Variants in ZFYVE9 observed in about 807,000 individuals in gnomAD.
ZFYVE9 encodes zinc finger FYVE domain-containing protein 9.
A neutral mutation model predicts 126.7 loss-of-function variants in ZFYVE9; 43 were observed. That is an observed-to-expected ratio of 0.34 (90% confidence interval 0.27 to 0.44). ZFYVE9 has a LOEUF of 0.44. ZFYVE9 is among the 20% of genes least tolerant of loss of function. The pLI, the probability that ZFYVE9 is intolerant of heterozygous loss-of-function variation, is 1.00. For synonymous variants in ZFYVE9, 521 were observed against 597.4 expected, an observed-to-expected ratio of 0.87 and a Z score of 1.87; for missense variants, 1,476 against 1,697.0, an observed-to-expected ratio of 0.87 and a Z score of 2.29.
chr1:52,333,684 G>A (rs1028406059), intron 14 of ZFYVE9, among the ~76,000 whole-genome samples: 3 of 152,066 alleles, frequency 2.0e-5, no homozygotes, highest in South Asian at 2.1e-4. Context: ...GGCCAGCCGC[G>A]GTGGCTCATG....
chr1:52,197,826 G>A (rs1644875577), intron 1 of ZFYVE9, among the ~76,000 whole-genome samples: 1 of 152,142 alleles, frequency 6.6e-6, no homozygotes. Flanking sequence ...AAGGTGGAGA[G>A]GAGGATGCAC....
At chr1:52,337,092 G>A (rs1356818309) in intron 15 of ZFYVE9, among the ~76,000 whole-genome samples, 1 of 152,118 alleles carries the variant, frequency 6.6e-6, no homozygotes, top group Non-Finnish European at 1.5e-5. Context: ...TCAGTGGAGC[G>A]ATTGGCTGAC....
At chr1:52,215,387 T>C (rs1162907000) in intron 1 of ZFYVE9, among the ~76,000 whole-genome samples, 1 of 152,216 alleles carries the variant, frequency 6.6e-6, no homozygotes, top group Non-Finnish European at 1.5e-5. Context: ...TCATTCTTTA[T>C]TCTTCATTGG....
chr1:52,292,405 G>A (rs1311506532), intron 10 of ZFYVE9, among the ~76,000 whole-genome samples: 1 of 149,790 alleles, frequency 6.7e-6, no homozygotes, highest in Non-Finnish European at 1.5e-5. Flanking sequence ...ATGTTCATGA[G>A]TTGACTTTGT....
rs886887527 is a variant in ZFYVE9 at position 52,346,473 on chromosome 1, T to C, written c.*252T>C. The C allele has an allele frequency of 4.2e-5, 18 of 430,522 alleles. No homozygotes were observed. Among genetic ancestry groups the C allele is most frequent in the African/African-American group, 8.0e-5 (4 of 50,148 alleles). The allele number at this position is 430,522 out of a possible 1,614,324, so 26.7% of individuals were successfully genotyped here. A position where few individuals can be genotyped will look rare whatever the true frequency, so the allele number is the denominator to read the frequency against. ...AGCTTCTGTTCCTGCACAACAGTTA[T>C]GCTATCCTTGCAGCTAATCCCCTTC... On this transcript the variant is annotated 3_prime_UTR_variant, in exon 19 of 19. Coordinates refer to ENST00000287727, the MANE Select transcript of ZFYVE9 (RefSeq NM_004799.4).
intron 2 of ZFYVE9, among the ~76,000 whole-genome samples, chr1:52,224,265 G>A (rs1423551173): frequency 1.3e-5 from 2 of 152,142 alleles, no homozygotes; most frequent in Admixed American, 6.5e-5. Context: ...TGGCCCATGG[G>A]GCAGGGTTAT....
intron 2 of ZFYVE9, among the ~76,000 whole-genome samples, chr1:52,224,315 T>A (rs1645150450): frequency 6.7e-6 from 1 of 149,702 alleles, no homozygotes; most frequent in Non-Finnish European, 1.5e-5. Flanking sequence ...GGTGGAGGGG[T>A]AGGGAGGGGA....
intron 1 of ZFYVE9, among the ~76,000 whole-genome samples, chr1:52,215,567 C>G (rs1328968163): frequency 1.3e-5 from 2 of 152,068 alleles, no homozygotes; most frequent in African/African-American, 4.8e-5. Flanking sequence ...AAGATACTTA[C>G]GTGTTCTGAA....
chr1:52,233,093 T>C (rs895282325), intron 2 of ZFYVE9, 78 bp from the exon 3 acceptor site: 74 of 559,664 alleles, frequency 1.3e-4, no homozygotes, highest in Non-Finnish European at 1.4e-4. Flanking sequence ...TTATAAGAGA[T>C]TTTATCCTTG....
chr1:52,282,445 A>G (rs192606787), intron 10 of ZFYVE9, among the ~76,000 whole-genome samples: 7 of 152,322 alleles, frequency 4.6e-5, no homozygotes, highest in Admixed American at 3.9e-4. Flanking sequence ...AAACGGTGTA[A>G]TTGAACTATT....
chr1:52,307,317 C>A (rs1347061411), intron 13 of ZFYVE9, among the ~76,000 whole-genome samples: 3 of 151,630 alleles, frequency 2.0e-5, no homozygotes, highest in African/African-American at 7.3e-5. Flanking sequence ...CTCACTGCAA[C>A]CTACGCCTCC....
At chr1:52,304,729 G>A (rs558807913) in intron 13 of ZFYVE9, among the ~76,000 whole-genome samples, 4 of 151,636 alleles carry the variant, frequency 2.6e-5, no homozygotes, top group African/African-American at 9.7e-5. Flanking sequence ...TGTGAGCTCA[G>A]TTCTCAGCAT....
At chr1:52,151,629 C>T (rs1046794034) in intron 1 of ZFYVE9, among the ~76,000 whole-genome samples, 1 of 151,766 alleles carries the variant, frequency 6.6e-6, no homozygotes, top group Non-Finnish European at 1.5e-5. Context: ...AATTCTCCTG[C>T]CTCAGCCTCC....
chr1:52,245,045 C>T (rs1041669612), intron 4 of ZFYVE9, among the ~76,000 whole-genome samples: 2 of 151,820 alleles, frequency 1.3e-5, no homozygotes, highest in Non-Finnish European at 2.9e-5. Context: ...GTAATGCCAG[C>T]TACTCAGGAG....
intron 12 of ZFYVE9, among the ~76,000 whole-genome samples, chr1:52,296,914 C>A (rs1357702846): frequency 6.6e-6 from 1 of 152,102 alleles, no homozygotes; most frequent in African/African-American, 2.4e-5. Context: ...CCGAGCAATT[C>A]TCGTGCCTGA....
chr1:52,237,683 C>A lies in ZFYVE9; in HGVS notation c.266C>A (p.Ala89Asp). Residue 89 changes from alanine (A) to aspartate (D), a missense_variant, in exon 4 of 19, where the codon GCT (alanine) becomes GAT (aspartate). This residue lies in a region of ZFYVE9 where 807 missense variants were observed against 794.6 expected (regional missense o/e 1.02). Coordinates refer to ENST00000287727, the MANE Select transcript of ZFYVE9 (RefSeq NM_004799.4). The part of the protein sequence containing the change: ...PLTTEEEDHC[A>D]NGQDCNLNPE... ...ACCACAGAGGAAGAGGATCACTGTG[C>A]TAATGGACAGGACTGTAATCTAAAT... 1 of 1,614,054 alleles carries A rather than the reference C, an allele frequency of 6.2e-7. No individual in the cohort carries two copies. Among genetic ancestry groups the A allele is most frequent in the Non-Finnish European group, 8.5e-7 (1 of 1,179,972 alleles).
At chr1:52,261,799 T>C (rs1019037246) in intron 4 of ZFYVE9, among the ~76,000 whole-genome samples, 1 of 152,146 alleles carries the variant, frequency 6.6e-6, no homozygotes, top group Non-Finnish European at 1.5e-5. Context: ...AGATGTGATT[T>C]TGGAAGAACA....
At chr1:52,182,283 C>T (rs1644717070) in intron 1 of ZFYVE9, among the ~76,000 whole-genome samples, 1 of 152,180 alleles carries the variant, frequency 6.6e-6, no homozygotes, top group Non-Finnish European at 1.5e-5. Context: ...GCCATGATGA[C>T]AGTGGCGGTT....
At chr1:52,288,747 T>C (rs1645887996) in intron 10 of ZFYVE9, among the ~76,000 whole-genome samples, 1 of 151,900 alleles carries the variant, frequency 6.6e-6, no homozygotes, top group Non-Finnish European at 1.5e-5. Flanking sequence ...CAACAATGGC[T>C]AAACCCTGTC....
Sources: allele counts gnomAD v4.1 joint callset (sites outside exome capture counted in the v4.1 genomes callset), GRCh38; gene constraint gnomAD v4.1.1; regional missense constraint gnomAD v4.1.1; transcripts MANE v1.5; gene names NCBI Gene and HGNC (gene_info 2026-07-23, HGNC 2026-07-21).